The following TUT4 variants were observed in gnomAD, a reference collection of about 807,000 sequenced individuals.
TUT4 encodes terminal uridylyltransferase 4.
Under a neutral mutation model 192.2 loss-of-function variants are expected in TUT4, and 36 were observed. The ratio of observed to expected loss-of-function variants is 0.19; its 90% CI spans 0.14 to 0.25. TUT4 has a LOEUF of 0.25. Ranked by LOEUF, TUT4 falls within the 10% of genes least tolerant of loss-of-function variation. TUT4 has a pLI of 1.00. For missense variants in TUT4, 1,493 were observed against 1,957.2 expected (o/e 0.76, Z 4.47); for synonymous variants, 618 against 666.0 (o/e 0.93, Z 1.11).
intron 9 of TUT4, among the ~76,000 whole-genome samples, chr1:52,487,812 T>G (rs910876183): frequency 1.3e-5 from 2 of 152,194 alleles, no homozygotes; most frequent in Non-Finnish European, 2.9e-5. Context: ...AAATATTTAC[T>G]GAGTGCCTAC....
At chr1:52,455,633 C>CG (rs1660692875) in intron 20 of TUT4, among the ~76,000 whole-genome samples, 1 of 27,086 alleles carries the variant, frequency 3.7e-5, no homozygotes, top group Admixed American at 3.8e-4. Context: ...AAAAAAAAGA[C>CG]GGGGGAGAGG....
intron 1 of TUT4, chr1:52,535,268 T>G (rs983446295): frequency 2.0e-5 from 3 of 152,194 alleles, no homozygotes; most frequent in African/African-American, 7.2e-5. Flanking sequence ...TCCAATTTTC[T>G]TATCTTTTCT....
chr1:52,429,465 T>C (rs1651262901), intron 28 of TUT4, among the ~76,000 whole-genome samples: 2 of 151,768 alleles, frequency 1.3e-5, no homozygotes, highest in African/African-American at 4.8e-5. Context: ...GGAGGAGCAC[T>C]TGAGCCCAGG....
upstream of TUT4, chr1:52,553,244 C>G (rs1258415602): frequency 1.3e-5 from 2 of 151,596 alleles, no homozygotes; most frequent in African/African-American, 4.9e-5. Flanking sequence ...GGGGTCCTGG[C>G]CCGGGAGAGG....
At chr1:52,514,777 AT>A (rs34845083) in intron 3 of TUT4, 15,279 of 135,438 alleles carry the variant, frequency 0.11, 1,069 homozygotes, top group African/African-American at 0.26. Flanking sequence ...TTTATTTGTG[AT>A]TTTTTTTTTT....
chr1:52,463,624 T>C (rs1570577698), intron 16 of TUT4: 6 of 1,299,568 alleles, frequency 4.6e-6, no homozygotes, highest in Non-Finnish European at 6.1e-6. Context: ...TTTTGAAACA[T>C]AAATAACAAT....
chr1:52,462,012 C>A, intron 16 of TUT4: 1 of 324,770 alleles, frequency 3.1e-6, no homozygotes, highest in Non-Finnish European at 5.6e-6. Context: ...TAACAGGATC[C>A]CAAGGTAATT....
intron 20 of TUT4, among the ~76,000 whole-genome samples, chr1:52,453,342 A>C (rs1391165610): frequency 6.6e-6 from 1 of 151,864 alleles, no homozygotes; most frequent in Non-Finnish European, 1.5e-5. Context: ...AGATTGCAAC[A>C]CTGCACTCCA....
rs1243300398 is a variant in TUT4, at chr1:52,545,395, GTA to G, written c.-94+7534_-94+7535del. 1.1e-3 allele frequency among the ~76,000 whole-genome samples: 164 copies of G among 145,608 alleles called. 2 individuals carry two copies. The highest frequency in any genetic ancestry group is 6.5e-3 in the Admixed American group (95 of 14,686). ...CTCTGTCTCAAAAAAAAAAAAAAAA[GTA>G]ACCCCACAGAACAGAATGGAAGAAA... On this transcript the variant is annotated intron_variant, in intron 1 of 29. Transcript: ENST00000257177.
At chr1:52,517,362 C>A (rs892658105) in intron 2 of TUT4, among the ~76,000 whole-genome samples, 19 of 152,178 alleles carry the variant, frequency 1.2e-4, no homozygotes, top group African/African-American at 4.6e-4. Flanking sequence ...GATGTATCTA[C>A]AAGTATTTCA....
chr1:52,519,051 T>A (rs192729088), intron 2 of TUT4, among the ~76,000 whole-genome samples: 37 of 152,152 alleles, frequency 2.4e-4, no homozygotes, highest in Admixed American at 2.3e-3. Flanking sequence ...AAAACATACA[T>A]CCACACAAAA....
intron 20 of TUT4, among the ~76,000 whole-genome samples, chr1:52,452,635 A>G (rs1403335398): frequency 6.6e-6 from 1 of 152,228 alleles, no homozygotes; most frequent in Non-Finnish European, 1.5e-5. Context: ...AGCTGAACAC[A>G]TGGAGGTTCC....
chr1:52,549,264 A>G (rs539058205), intron 1 of TUT4, among the ~76,000 whole-genome samples: 2 of 152,324 alleles, frequency 1.3e-5, no homozygotes, highest in East Asian at 3.9e-4. Flanking sequence ...CAAACACCTT[A>G]ATACAACATA....
At chr1:52,439,813 G>A (rs1654962238) in intron 24 of TUT4, among the ~76,000 whole-genome samples, 1 of 152,082 alleles carries the variant, frequency 6.6e-6, no homozygotes, top group Non-Finnish European at 1.5e-5. Context: ...ACAAAAATTT[G>A]CACACAAATA....
chr1:52,523,452 A>G (rs929892405), intron 2 of TUT4, among the ~76,000 whole-genome samples: 22 of 152,164 alleles, frequency 1.4e-4, no homozygotes, highest in African/African-American at 4.6e-4. Flanking sequence ...CTAAAAATAT[A>G]GAATTAGCCA....
chr1:52,531,883 A>ATT (rs1683521312), intron 1 of TUT4, among the ~76,000 whole-genome samples: 2 of 111,864 alleles, frequency 1.8e-5, no homozygotes, highest in African/African-American at 7.5e-5. Flanking sequence ...GTCTTTTCTC[A>ATT]TCTTTTTTTT....
chr1:52,537,727 A>G (rs1239066479), intron 1 of TUT4, among the ~76,000 whole-genome samples: 3 of 152,172 alleles, frequency 2.0e-5, no homozygotes, highest in Non-Finnish European at 2.9e-5. Flanking sequence ...AGCCTGGCCA[A>G]CATGGCGAAA....
chr1:52,516,608 T>A (rs925529987), intron 2 of TUT4, among the ~76,000 whole-genome samples: 6 of 152,184 alleles, frequency 3.9e-5, no homozygotes, highest in African/African-American at 1.4e-4. Context: ...ACAGACTATG[T>A]TTTCACCTTT....
intron 1 of TUT4, among the ~76,000 whole-genome samples, chr1:52,533,993 T>C (rs572930487): frequency 1.9e-4 from 29 of 152,246 alleles, no homozygotes; most frequent in African/African-American, 6.3e-4. Flanking sequence ...ATGAAAGATA[T>C]TGAAGAAAAT....
Sources: gnomAD v4.1 joint callset for allele counts (sites outside exome capture counted in the v4.1 genomes callset) on GRCh38, gnomAD v4.1.1 for gene constraint, MANE v1.5 for transcripts, NCBI Gene and HGNC (gene_info 2026-07-23, HGNC 2026-07-21) for gene names.